SCN2A: variants seen among roughly 807,000 people sequenced by gnomAD.
The protein encoded by SCN2A is sodium channel protein type 2 subunit alpha.
A neutral mutation model predicts 188.7 loss-of-function variants in SCN2A; 20 were observed. The observed-to-expected ratio is 0.11, with a 90% CI of 0.07 to 0.15. The LOEUF (loss-of-function observed/expected upper bound fraction) is 0.15, where lower values mean the gene tolerates loss of function less well. Ranked by LOEUF, SCN2A falls within the 10% of genes least tolerant of loss-of-function variation. The pLI is 1.00. For missense variants in SCN2A, 1,278 were observed against 2,445.0 expected (o/e 0.52, Z 10.07); for synonymous variants, 804 against 833.1 (o/e 0.97, Z 0.60).
rs771357111 is a variant in SCN2A at position 165,370,239 on chromosome 2, A to G, written c.3789A>G (p.Ala1263=). The change falls in exon 20 of 27, where the codon GCA becomes GCG. Residue 1263 remains alanine (A), a synonymous_variant. Transcript: ENST00000375437. The part of the protein sequence containing the change: ...FILEMLLKWV[A]YGFQVYFTNA... ...TGGAAATGCTGCTAAAGTGGGTTGC[A>G]TATGGTTTTCAAGTGTATTTTACCA... 1.2e-5 allele frequency: 20 copies of G among 1,613,990 alleles called. No individual in the cohort carries two copies. Among genetic ancestry groups the G allele is most frequent in the East Asian group, 2.2e-5 (1 of 44,860 alleles).
chr2:165,256,694 C>T (rs556999621), intron 1 of SCN2A, among the ~76,000 whole-genome samples: 3 of 152,186 alleles, frequency 2.0e-5, no homozygotes, highest in Non-Finnish European at 4.4e-5. Flanking sequence ...GCTTTCCTTT[C>T]ATAATTAAAG....
intron 17 of SCN2A, 130 bp downstream of exon 17, chr2:165,354,801 T>C (rs1015788385): frequency 2.8e-5 from 26 of 918,344 alleles, no homozygotes; most frequent in Non-Finnish European, 3.9e-5. Flanking sequence ...CAATATATTT[T>C]CCATGGAAAA....
intron 16 of SCN2A, among the ~76,000 whole-genome samples, chr2:165,345,425 T>C (rs895060606): frequency 6.6e-6 from 1 of 152,308 alleles, no homozygotes; most frequent in Admixed American, 6.5e-5. Flanking sequence ...ATATTTAGGA[T>C]AGTTAGCTCT....
At chr2:165,361,307 A>C (rs1700449423) in intron 17 of SCN2A, among the ~76,000 whole-genome samples, 1 of 152,030 alleles carries the variant, frequency 6.6e-6, no homozygotes, top group South Asian at 2.1e-4. Flanking sequence ...TTGAATTAAT[A>C]CTAAAGTTCA....
intron 1 of SCN2A, among the ~76,000 whole-genome samples, chr2:165,263,694 C>T (rs756271366): frequency 5.3e-5 from 8 of 151,984 alleles, no homozygotes; most frequent in Admixed American, 2.0e-4. Context: ...TCTGACTATG[C>T]GGGCTCTTTT....
intron 16 of SCN2A, among the ~76,000 whole-genome samples, chr2:165,346,896 C>T (rs989425839): frequency 6.6e-6 from 1 of 152,186 alleles, no homozygotes; most frequent in Non-Finnish European, 1.5e-5. Flanking sequence ...AATGAGATAC[C>T]ACTTCACGCC....
At position 165,386,696 on chromosome 2, in the gene SCN2A, C is replaced by T. The variant is rs150453735; in HGVS notation, c.4552-50C>T. On this transcript the variant is annotated intron_variant, in intron 25 of 26. Transcript: ENST00000375437. ...TTCTTAAAATCAGAAGAATTGAATT[C>T]GATTTTTTTTAAGGTTTCTAATGGA... is the stretch of plus-strand genomic sequence containing the variant. The T allele has an allele frequency of 2.8e-3, 4,284 of 1,554,606 alleles. 137 individuals are homozygous for T. The Admixed American group carries it at 0.068, about 25-fold the overall frequency.
At chr2:165,305,421 T>C (rs991160221) in intron 3 of SCN2A, among the ~76,000 whole-genome samples, 1 of 152,142 alleles carries the variant, frequency 6.6e-6, no homozygotes, top group East Asian at 1.9e-4. Flanking sequence ...GGGTATATAA[T>C]GGTTATGTTT....
intron 12 of SCN2A, among the ~76,000 whole-genome samples, chr2:165,323,829 A>G (rs1371055687): frequency 2.6e-5 from 4 of 152,224 alleles, no homozygotes; most frequent in Admixed American, 6.5e-5. Flanking sequence ...AAGGAAATTA[A>G]TGCTCACTAA....
chr2:165,387,610 A>C (rs1457285587), intron 26 of SCN2A, among the ~76,000 whole-genome samples: 2 of 152,148 alleles, frequency 1.3e-5, no homozygotes, highest in African/African-American at 4.8e-5. Context: ...GGATACATAC[A>C]TACATTAAGT....
chr2:165,334,148 A>T (rs545339394), intron 14 of SCN2A, among the ~76,000 whole-genome samples: 16 of 151,724 alleles, frequency 1.1e-4, no homozygotes, highest in African/African-American at 3.6e-4. Context: ...CTGCCAAAAA[A>T]AGCCTGAGCC....
chr2:165,246,797 T>C (rs1223514908), intron 1 of SCN2A, among the ~76,000 whole-genome samples: 2 of 151,994 alleles, frequency 1.3e-5, no homozygotes, highest in Non-Finnish European at 2.9e-5. Flanking sequence ...TGCCCAGCAA[T>C]CATGCCACAT....
intron 1 of SCN2A, chr2:165,271,515 T>G (rs1227903083): frequency 5.3e-5 from 8 of 152,096 alleles, no homozygotes; most frequent in Admixed American, 5.3e-4. Flanking sequence ...CAATATAGAC[T>G]ATGGAAAATA....
chr2:165,373,175 T>C (rs748300003), intron 20 of SCN2A, 50 bp from the exon 21 acceptor site: 2 of 1,596,500 alleles, frequency 1.3e-6, no homozygotes, highest in Middle Eastern at 1.7e-4. Flanking sequence ...CTGAACTGTG[T>C]AGACATTTTT....
intron 1 of SCN2A, among the ~76,000 whole-genome samples, chr2:165,240,659 C>CTGTGTGTGTGTGTGTG (rs35247335): frequency 0.038 from 5,208 of 136,302 alleles, 168 homozygotes; most frequent in Middle Eastern, 0.053. Context: ...GTGGAAAGAG[C>CTGTGTGTGTGTGTGTG]TGTGTGTGTG....
Position 165,353,303 on chromosome 2 carries a change from A to T in SCN2A, c.2920-889A>T, listed in dbSNP as rs144251284. Among the ~76,000 whole-genome samples the T allele has an allele frequency of 4.4e-3, 677 of 152,318 alleles. 3 individuals are homozygous for T. Among genetic ancestry groups the T allele is most frequent in the African/African-American group, 0.015 (644 of 41,560 alleles). On this transcript the variant is annotated intron_variant, in intron 16 of 26. Transcript: ENST00000375437. ...GTCTTAATAAAAATTGGGACTTTTC[A>T]TCCAGCAATAAATACGTTTTTGTCT...
At chr2:165,310,264 G>A in intron 6 of SCN2A, 59 bp from the exon 7 acceptor site, 2 of 1,545,458 alleles carry the variant, frequency 1.3e-6, no homozygotes, top group Non-Finnish European at 1.8e-6. Context: ...TGATATTTTT[G>A]CCGGTAAAAT....
chr2:165,374,745 C>T lies in SCN2A; in HGVS notation c.4033C>T (p.Leu1345=). 5 of 1,613,418 alleles carry T rather than the reference C, an allele frequency of 3.1e-6. No homozygotes were observed. The highest frequency in any genetic ancestry group is 4.2e-6 in the Non-Finnish European group (5 of 1,179,590). ...PSIMNVLLVC[L]IFWLIFSIMG... is the part of the protein sequence containing the mutation. ...TATCATGAATGTACTTCTGGTTTGT[C>T]TGATCTTTTGGCTAATATTCAGTAT... The change falls in exon 22 of 27, where the codon CTG becomes TTG. Residue 1345 remains leucine, a synonymous_variant. Coordinates refer to ENST00000375437, the MANE Select transcript of SCN2A (RefSeq NM_001040142.2).
intron 15 of SCN2A, 53 bp downstream of exon 15, chr2:165,342,522 A>T: frequency 6.4e-7 from 1 of 1,568,486 alleles, no homozygotes; most frequent in Non-Finnish European, 8.8e-7. Context: ...ATTAGTCTTC[A>T]TTCTCATCTA....
Sources: gnomAD v4.1 joint callset for allele counts (sites outside exome capture counted in the v4.1 genomes callset) on GRCh38, gnomAD v4.1.1 for gene constraint, MANE v1.5 for transcripts, NCBI Gene and HGNC (gene_info 2026-07-23, HGNC 2026-07-21) for gene names.